Variants in CMTM8 observed in about 807,000 individuals in gnomAD.
The protein encoded by CMTM8 is CKLF-like MARVEL transmembrane domain-containing protein 8.
Under a neutral mutation model 18.6 loss-of-function variants are expected in CMTM8, and 12 were observed. That is an observed-to-expected ratio of 0.65 (90% confidence interval 0.41 to 1.05). The LOEUF is 1.05. Among genes scored for constraint, CMTM8 ranks in the 50% least tolerant of loss-of-function variants. The pLI, the probability that CMTM8 is intolerant of heterozygous loss-of-function variation, is 0.00. For missense variants in CMTM8, 217 were observed against 227.2 expected, an observed-to-expected ratio of 0.95 and a Z score of 0.29; for synonymous variants, 87 against 90.6, an observed-to-expected ratio of 0.96 and a Z score of 0.23.
intron 1 of CMTM8, among the ~76,000 whole-genome samples, chr3:32,340,240 C>T (rs1291782910): frequency 6.6e-6 from 1 of 152,132 alleles, no homozygotes; most frequent in East Asian, 1.9e-4. Context: ...TCAACAGGGT[C>T]CGGTTGTATC....
intron 1 of CMTM8, among the ~76,000 whole-genome samples, chr3:32,280,400 C>T (rs1702588484): frequency 6.6e-6 from 1 of 152,102 alleles, no homozygotes; most frequent in East Asian, 1.9e-4. Flanking sequence ...TCAGACTGGT[C>T]GTGGGCCTAG....
At chr3:32,335,335 G>A (rs1349214356) in intron 1 of CMTM8, among the ~76,000 whole-genome samples, 1 of 152,206 alleles carries the variant, frequency 6.6e-6, no homozygotes, top group African/African-American at 2.4e-5. Flanking sequence ...CCTGATGGAT[G>A]TAGACAAAGA....
intron 1 of CMTM8, among the ~76,000 whole-genome samples, chr3:32,257,410 T>A (rs78171265): frequency 0.042 from 6,362 of 152,308 alleles, 462 homozygotes; most frequent in East Asian, 0.32. Context: ...GAATCTTTAT[T>A]CAATCCAGGA....
intron 1 of CMTM8, among the ~76,000 whole-genome samples, chr3:32,337,973 G>C (rs1345917073): frequency 2.1e-5 from 3 of 145,526 alleles, no homozygotes; most frequent in Non-Finnish European, 4.5e-5. Context: ...TTTACTATTT[G>C]GCCTTTTTTT....
intron 1 of CMTM8, among the ~76,000 whole-genome samples, chr3:32,241,191 A>G (rs1189660506): frequency 3.9e-5 from 6 of 152,134 alleles, no homozygotes; most frequent in Admixed American, 2.6e-4. Context: ...AATGCTGTTT[A>G]TTGGTGTTCC....
rs1278506563 is a variant in CMTM8 at position 32,361,288 on chromosome 3, T to TTTTTTTTTGTTTTTTTTTTTG, written c.321+3749_321+3750insTGTTTTTTTTTTTGTTTTTTT. 2.0e-3 allele frequency among the ~76,000 whole-genome samples: 291 copies of TTTTTTTTTGTTTTTTTTTTTG among 147,282 alleles called. 3 individuals are homozygous for TTTTTTTTTGTTTTTTTTTTTG. The highest frequency in any genetic ancestry group is 7.2e-3 in the African/African-American group (288 of 39,866). ...GAGCCACGGCGCCCAGCCTAAGAGT[T>TTTTTTTTTGTTTTTTTTTTTG]TTTTTTTCTTTCAAATTTTGGAAAG... On this transcript the variant is annotated intron_variant, in intron 2 of 3. Transcript: ENST00000307526.
At chr3:32,312,346 T>C (rs1695836235) in intron 1 of CMTM8, among the ~76,000 whole-genome samples, 1 of 152,222 alleles carries the variant, frequency 6.6e-6, no homozygotes, top group East Asian at 1.9e-4. Context: ...AATTTCTGTC[T>C]GACTTAGCTA....
chr3:32,321,214 G>A (rs372208568), intron 1 of CMTM8, among the ~76,000 whole-genome samples: 1 of 152,254 alleles, frequency 6.6e-6, no homozygotes, highest in African/African-American at 2.4e-5. Flanking sequence ...GAAACGTGAC[G>A]CTGGTTAAAC....
intron 1 of CMTM8, among the ~76,000 whole-genome samples, chr3:32,262,139 C>T (rs139743913): frequency 6.2e-4 from 95 of 152,184 alleles, no homozygotes; most frequent in East Asian, 4.8e-3. Flanking sequence ...GTCCCCATTG[C>T]GAGTCATGAT....
At chr3:32,303,692 G>A (rs543434931) in intron 1 of CMTM8, among the ~76,000 whole-genome samples, 33 of 151,300 alleles carry the variant, frequency 2.2e-4, no homozygotes, top group African/African-American at 7.3e-4. Context: ...AGACTCCTTC[G>A]CTTAAATTTT....
chr3:32,320,251 T>C (rs1263624697), intron 1 of CMTM8, among the ~76,000 whole-genome samples: 1 of 152,222 alleles, frequency 6.6e-6, no homozygotes, highest in Admixed American at 6.5e-5. Flanking sequence ...GATGAATCTA[T>C]AAACAAAACG....
At chr3:32,251,026 A>T (rs1044477522) in intron 1 of CMTM8, among the ~76,000 whole-genome samples, 2 of 152,222 alleles carry the variant, frequency 1.3e-5, no homozygotes, top group Admixed American at 6.5e-5. Flanking sequence ...TATACAAAAA[A>T]GTTCATACCA....
chr3:32,366,025 C>G (rs1326840655), intron 2 of CMTM8, among the ~76,000 whole-genome samples: 1 of 152,120 alleles, frequency 6.6e-6, no homozygotes, highest in African/African-American at 2.4e-5. Context: ...TTTCTTTCAT[C>G]TCTCCACTTA....
At chr3:32,270,689 G>A (rs903349152) in intron 1 of CMTM8, among the ~76,000 whole-genome samples, 5 of 152,130 alleles carry the variant, frequency 3.3e-5, no homozygotes, top group Admixed American at 3.3e-4. Context: ...TTGGACACAG[G>A]AAGGGGAACG....
chr3:32,245,886 G>A (rs2125528119), intron 1 of CMTM8, among the ~76,000 whole-genome samples: 1 of 152,244 alleles, frequency 6.6e-6, no homozygotes, highest in Admixed American at 6.5e-5. Flanking sequence ...TGCAACCTTA[G>A]CTCACTGCAA....
At chr3:32,245,011 G>T (rs1273372137) in intron 1 of CMTM8, among the ~76,000 whole-genome samples, 1 of 152,130 alleles carries the variant, frequency 6.6e-6, no homozygotes, top group African/African-American at 2.4e-5. Flanking sequence ...GTGTTTTATT[G>T]ATTATAATGG....
intron 1 of CMTM8, among the ~76,000 whole-genome samples, chr3:32,276,100 G>T (rs1230577412): frequency 6.6e-6 from 1 of 152,078 alleles, no homozygotes; most frequent in Non-Finnish European, 1.5e-5. Context: ...ACCAATGACG[G>T]GTACAGAGGC....
intron 1 of CMTM8, among the ~76,000 whole-genome samples, chr3:32,295,507 C>T (rs1247580102): frequency 5.8e-5 from 8 of 137,298 alleles, no homozygotes; most frequent in Non-Finnish European, 1.2e-4. Flanking sequence ...AGAGAAAATC[C>T]CTGTCTTTGT....
At chr3:32,308,495 G>C (rs759696360) in intron 1 of CMTM8, among the ~76,000 whole-genome samples, 9 of 152,204 alleles carry the variant, frequency 5.9e-5, no homozygotes, top group Non-Finnish European at 1.3e-4. Flanking sequence ...GGATGGGACA[G>C]TGGAGAGTGC....
Sources: allele counts gnomAD v4.1 joint callset (sites outside exome capture counted in the v4.1 genomes callset), GRCh38; gene constraint gnomAD v4.1.1; transcripts MANE v1.5; gene names NCBI Gene and HGNC (gene_info 2026-07-23, HGNC 2026-07-21).